The following ZSCAN30 variants were observed in gnomAD, a reference collection of about 807,000 sequenced individuals.
ZSCAN30 encodes zinc finger and SCAN domain-containing protein 30.
A neutral mutation model predicts 44.3 loss-of-function variants in ZSCAN30; 37 were observed. That is an observed-to-expected ratio of 0.84 (90% CI 0.64 to 1.10). The LOEUF is 1.10. ZSCAN30 is among the 50% of genes least tolerant of loss of function. The probability of loss-of-function intolerance (pLI) is 0.00; values close to 1 mark genes in which losing one functional copy is unlikely to be tolerated. For synonymous variants in ZSCAN30, 181 were observed against 204.6 expected (o/e 0.88, Z 0.98); for missense variants, 549 against 582.6 (o/e 0.94, Z 0.59).
chr18:35,282,157 C>T (rs968865555), intron 1 of ZSCAN30: 2 of 152,212 alleles, frequency 1.3e-5, no homozygotes, highest in African/African-American at 4.8e-5. Context: ...TTCCTTCTCT[C>T]ATCTTATCAT....
intron 1 of ZSCAN30, chr18:35,283,946 A>AGAGGAGCTTTACTGAGAAG (rs1471630496): frequency 6.6e-6 from 1 of 152,408 alleles, no homozygotes; most frequent in African/African-American, 2.4e-5. Flanking sequence ...AGCAAAGTGA[A>AGAGGAGCTTTACTGAGAAG]GAGGAGCTTT....
At chr18:35,288,635 T>C (rs1462787010) in intron 1 of ZSCAN30, among the ~76,000 whole-genome samples, 2 of 152,186 alleles carry the variant, frequency 1.3e-5, no homozygotes, top group Non-Finnish European at 2.9e-5. Flanking sequence ...AAATTAACTA[T>C]TGATACACAC....
intron 1 of ZSCAN30, chr18:35,269,194 T>G (rs1034882741): frequency 1.3e-5 from 2 of 152,354 alleles, no homozygotes; most frequent in African/African-American, 2.4e-5. Flanking sequence ...ATGGAAGCCA[T>G]TAGCCATTTA....
At chr18:35,285,723 A>G (rs973656548) in intron 1 of ZSCAN30, among the ~76,000 whole-genome samples, 3 of 152,144 alleles carry the variant, frequency 2.0e-5, no homozygotes, top group Non-Finnish European at 4.4e-5. Flanking sequence ...TTAGGGGAAA[A>G]TTTATAGCAC....
At chr18:35,270,032 G>GGGAGA (rs2044238930) in intron 1 of ZSCAN30, 1 of 152,082 alleles carries the variant, frequency 6.6e-6, no homozygotes, top group Non-Finnish European at 1.5e-5. Context: ...GGGTGGGGAG[G>GGGAGA]GGAGAGTGAT....
chr18:35,285,763 T>C (rs1229040976), intron 1 of ZSCAN30, among the ~76,000 whole-genome samples: 2 of 151,202 alleles, frequency 1.3e-5, no homozygotes, highest in East Asian at 3.9e-4. Flanking sequence ...ATAAGAAATA[T>C]TACAAATCAG....
rs9963125 is a variant in ZSCAN30 at position 35,253,284 on chromosome 18, A to C, written c.*166T>G. 4,722 of 511,134 alleles carry C rather than the reference A, an allele frequency of 9.2e-3. 168 individuals carry two copies. The highest frequency in any genetic ancestry group is 0.082 in the African/African-American group (4,237 of 51,856). 31.7% of individuals were successfully genotyped at this position (511,134 alleles called of 1,614,324 possible). A position where few individuals can be genotyped will look rare whatever the true frequency, so the allele number is the denominator to read the frequency against. ...GGGTAACATTTTTCTTCCATTTAAC[A>C]CTTCAATAATCATAACAAACATCTT... On this transcript the variant is annotated 3_prime_UTR_variant, in exon 4 of 4. Coordinates refer to ENST00000333206, the MANE Select transcript of ZSCAN30 (RefSeq NM_001112734.4).
chr18:35,259,837 GGGA>G (rs1327397462), intron 3 of ZSCAN30: 3 of 152,584 alleles, frequency 2.0e-5, no homozygotes, highest in Non-Finnish European at 4.4e-5. Context: ...TTTAAGGCAG[GGGA>G]CCTGATGAGA....
rs565718180 is a variant in ZSCAN30 at position 35,256,386 on chromosome 18, C to T, written c.554-2005G>A. On this transcript the variant is annotated intron_variant, in intron 3 of 3. Transcript: ENST00000333206. ...ACCAACTTGGCCAACATGGCAAAACCCCATCTCTACTAAAAGTATAAAAAA... is the reference window on the plus strand; with the variant it reads ...ACCAACTTGGCCAACATGGCAAAACTCCATCTCTACTAAAAGTATAAAAAA... 4 of 152,038 alleles carry T rather than the reference C, an allele frequency of 2.6e-5. No individual in the cohort carries two copies. The East Asian group carries it at 7.7e-4, about 29-fold the overall frequency. The allele number at this position is 152,038 out of a possible 1,614,324, so 9.4% of individuals were successfully genotyped here.
intron 1 of ZSCAN30, chr18:35,284,619 G>A (rs1274879631): frequency 6.4e-6 from 1 of 155,210 alleles, no homozygotes; most frequent in African/African-American, 2.4e-5. Context: ...GATCAGAGCA[G>A]TCACCAGGAG....
chr18:35,274,685 A>G (rs16966630), intron 1 of ZSCAN30, among the ~76,000 whole-genome samples: 5,279 of 152,238 alleles, frequency 0.035, 300 homozygotes, highest in African/African-American at 0.12. Context: ...AAAGCCCACT[A>G]GATGCTTTGG....
At chr18:35,270,811 A>G (rs1460082662) in intron 1 of ZSCAN30, among the ~76,000 whole-genome samples, 1 of 152,200 alleles carries the variant, frequency 6.6e-6, no homozygotes, top group Non-Finnish European at 1.5e-5. Flanking sequence ...AGTGAGTGTT[A>G]ACAGTTCTTA....
chr18:35,284,383 C>T (rs918165832), intron 1 of ZSCAN30: 1 of 153,332 alleles, frequency 6.5e-6, no homozygotes, highest in Non-Finnish European at 1.5e-5. Context: ...AGCATGTCGC[C>T]TCCTACTGCT....
At chr18:35,271,167 A>C (rs2044266130) in intron 1 of ZSCAN30, among the ~76,000 whole-genome samples, 1 of 152,194 alleles carries the variant, frequency 6.6e-6, no homozygotes. Context: ...AAAGGACCCC[A>C]CCAGGTTCCT....
chr18:35,272,637 G>A (rs2044304367), intron 1 of ZSCAN30, among the ~76,000 whole-genome samples: 1 of 152,224 alleles, frequency 6.6e-6, no homozygotes, highest in African/African-American at 2.4e-5. Flanking sequence ...GAGCCTCCGT[G>A]CCCGGCCCAT....
Position 35,251,159 on chromosome 18 carries a change from A to G in ZSCAN30, c.*2291T>C, listed in dbSNP as rs2043578291. On this transcript the variant is annotated 3_prime_UTR_variant, in exon 4 of 4. Transcript: ENST00000333206. ...TGAAATTAGTTACCAAAAATCATTT[A>G]CTAAACAGTAGTTTTACTAAAAATA... The G allele has an allele frequency of 6.6e-6, 1 of 152,228 alleles. No homozygotes were observed. The highest frequency in any genetic ancestry group is 1.9e-4 in the East Asian group (1 of 5,204). The allele number at this position is 152,228 out of a possible 1,614,324, so 9.4% of individuals were successfully genotyped here. A position where few individuals can be genotyped will look rare whatever the true frequency, so the allele number is the denominator to read the frequency against.
At chr18:35,271,967 A>G (rs913969111) in intron 1 of ZSCAN30, among the ~76,000 whole-genome samples, 1 of 152,040 alleles carries the variant, frequency 6.6e-6, no homozygotes, top group African/African-American at 2.4e-5. Flanking sequence ...GCCCGCGCCC[A>G]CCCGGAACTC....
At chr18:35,283,313 C>A (rs909364804) in intron 1 of ZSCAN30, 4 of 152,198 alleles carry the variant, frequency 2.6e-5, no homozygotes, top group African/African-American at 9.7e-5. Flanking sequence ...ATAGCTTGAA[C>A]CCAGGAGGTG....
At chr18:35,287,703 A>G (rs766910757) in intron 1 of ZSCAN30, among the ~76,000 whole-genome samples, 3 of 152,132 alleles carry the variant, frequency 2.0e-5, no homozygotes, top group Non-Finnish European at 4.4e-5. Flanking sequence ...ATCTTGGTGA[A>G]CTTATTTTAG....
Sources: allele counts gnomAD v4.1 joint callset (sites outside exome capture counted in the v4.1 genomes callset), GRCh38; gene constraint gnomAD v4.1.1; transcripts MANE v1.5; gene names NCBI Gene and HGNC (gene_info 2026-07-23, HGNC 2026-07-21).